The following NAALADL2 variants were observed in gnomAD, a reference collection of about 807,000 sequenced individuals.
NAALADL2 encodes N-acetylated alpha-linked acidic dipeptidase like 2, also known as inactive N-acetylated-alpha-linked acidic dipeptidase-like protein 2.
In NAALADL2, 76 loss-of-function variants were observed where a neutral mutation model predicts 87.2. That is an observed-to-expected ratio of 0.87 (90% CI 0.72 to 1.05). The LOEUF is 1.05. Among genes scored for constraint, NAALADL2 ranks in the 50% least tolerant of loss-of-function variants. The pLI is 0.00. For missense variants in NAALADL2, 1,089 were observed against 945.8 expected, an observed-to-expected ratio of 1.15 and a Z score of -1.99; for synonymous variants, 354 against 331.0, an observed-to-expected ratio of 1.07 and a Z score of -0.75.
rs375672663 is a variant in NAALADL2 at position 174,698,947 on chromosome 3, ATG to A, written c.-114-38679_-114-38678del. ...TGTATATATTTATATATATATATGA[ATG>A]TGTGTGTGTGTGTGCGTGTATATAT... On this transcript the variant is annotated intron_variant, in intron 2 of 3. Transcript: ENST00000434257. Among the ~76,000 whole-genome samples, 560 of 141,712 alleles carry A rather than the reference ATG, an allele frequency of 4.0e-3. 4 individuals are homozygous for A. Among genetic ancestry groups the A allele is most frequent in the African/African-American group, 0.015 (521 of 35,238 alleles). 93.0% of individuals were successfully genotyped at this position (141,712 alleles called of 152,430 possible).
intron 9 of NAALADL2, among the ~76,000 whole-genome samples, chr3:175,489,088 T>C (rs9873507): frequency 0.79 from 119,689 of 152,110 alleles, 47,147 homozygotes; most frequent in Middle Eastern, 0.82. Flanking sequence ...AGTGATTGCT[T>C]TTGTGGATAA....
intron 1 of NAALADL2, among the ~76,000 whole-genome samples, chr3:174,959,318 C>T (rs1741630326): frequency 6.6e-6 from 1 of 151,962 alleles, no homozygotes; most frequent in Non-Finnish European, 1.5e-5. Context: ...AGGAATTGTT[C>T]ATACCTTAAA....
At chr3:174,849,395 TTTG>T (rs778196206) in intron 3 of NAALADL2, among the ~76,000 whole-genome samples, 3 of 152,106 alleles carry the variant, frequency 2.0e-5, no homozygotes, top group Non-Finnish European at 4.4e-5. Flanking sequence ...TCTATATGCT[TTTG>T]TTCTATTTTT....
intron 5 of NAALADL2, among the ~76,000 whole-genome samples, chr3:175,408,571 A>C (rs1437919270): frequency 1.3e-5 from 2 of 152,026 alleles, no homozygotes; most frequent in African/African-American, 4.8e-5. Flanking sequence ...GCACCTGATA[A>C]AATTTCAAAA....
intron 1 of NAALADL2, chr3:174,864,189 A>G (rs1204338404): frequency 2.7e-6 from 1 of 370,094 alleles, no homozygotes; most frequent in Admixed American, 3.6e-5. Flanking sequence ...AGCAGGCAAA[A>G]GAGATTAGGA....
chr3:175,308,773 C>T (rs1397560321), intron 4 of NAALADL2, among the ~76,000 whole-genome samples: 1 of 152,144 alleles, frequency 6.6e-6, no homozygotes, highest in Non-Finnish European at 1.5e-5. Context: ...CAATTTCTAC[C>T]AGACAGGATT....
At chr3:174,891,038 G>T (rs1375385049) in intron 1 of NAALADL2, among the ~76,000 whole-genome samples, 7 of 152,054 alleles carry the variant, frequency 4.6e-5, no homozygotes, top group South Asian at 4.2e-4. Context: ...CTAGTAAATA[G>T]AAACTAGAAA....
At chr3:174,572,109 T>G (rs75380814) in intron 2 of NAALADL2, among the ~76,000 whole-genome samples, 3,000 of 152,264 alleles carry the variant, frequency 0.02, 107 homozygotes, top group African/African-American at 0.067. Context: ...CCTTTTCCTC[T>G]TTCTCTTCTT....
In NAALADL2 at chr3:175,667,254, AAAGAAAGAAAGG is replaced by A. The variant is rs1560943859; in HGVS notation, c.1896+39872_1896+39883del. On this transcript the variant is annotated intron_variant, in intron 11 of 13. Transcript: ENST00000454872. ...AAGAAAGAAAGAAAAAGAAAGAAAG[AAAGAAAGAAAGG>A]AAGGAAGGGATGGGGATCTGAAGGG... 9.0e-4 allele frequency among the ~76,000 whole-genome samples: 127 copies of A among 140,562 alleles called. 1 individual carries two copies. Among genetic ancestry groups the A allele is most frequent in the Middle Eastern group, 3.6e-3 (1 of 280 alleles). The allele number at this position is 140,562 out of a possible 152,430, so 92.2% of individuals were successfully genotyped here.
intron 6 of NAALADL2, among the ~76,000 whole-genome samples, chr3:175,461,882 A>C (rs1189707517): frequency 6.6e-6 from 1 of 152,128 alleles, no homozygotes; most frequent in African/African-American, 2.4e-5. Flanking sequence ...GACAATCTTG[A>C]AAAGGCAGAA....
At chr3:174,833,223 G>A (rs1021571692) in intron 3 of NAALADL2, among the ~76,000 whole-genome samples, 1 of 152,156 alleles carries the variant, frequency 6.6e-6, no homozygotes, top group African/African-American at 2.4e-5. Flanking sequence ...AATAAAAAAT[G>A]AGAAATGTCA....
intron 1 of NAALADL2, among the ~76,000 whole-genome samples, chr3:174,501,545 G>GTTATTTT: frequency 6.6e-6 from 1 of 152,118 alleles, no homozygotes; most frequent in Non-Finnish European, 1.5e-5. Context: ...TTTGTGGGAA[G>GTTATTTT]AGTTTTAACT....
chr3:175,273,324 C>T (rs1753127125), intron 4 of NAALADL2, among the ~76,000 whole-genome samples: 1 of 152,078 alleles, frequency 6.6e-6, no homozygotes, highest in Admixed American at 6.6e-5. Context: ...CTTCCTTATT[C>T]ACCAGATATT....
intron 2 of NAALADL2, among the ~76,000 whole-genome samples, chr3:175,191,060 G>T (rs181375588): frequency 9.9e-5 from 15 of 151,146 alleles, no homozygotes; most frequent in African/African-American, 3.2e-4. Context: ...TGTAACACAA[G>T]AACTATGGTT....
At chr3:174,882,678 T>C (rs181628006) in intron 1 of NAALADL2, among the ~76,000 whole-genome samples, 245 of 121,536 alleles carry the variant, frequency 2.0e-3, no homozygotes, top group South Asian at 5.4e-3. Flanking sequence ...CACATATGTG[T>C]ATATGTGTAT....
intron 1 of NAALADL2, among the ~76,000 whole-genome samples, chr3:174,962,433 G>GTCATAGTGACTATGTAATATATATA: frequency 1.9e-5 from 1 of 52,242 alleles, no homozygotes; most frequent in Non-Finnish European, 5.0e-5. Context: ...ATATATATAT[G>GTCATAGTGACTATGTAATATATATA]TATATTTTTA....
Position 175,808,419 on chromosome 3 carries a change from C to T in NAALADL2, c.*5216C>T, listed in dbSNP as rs1754889632. 6.6e-6 allele frequency: 1 copy of T among 151,778 alleles called. No individual in the cohort carries two copies. The highest frequency in any genetic ancestry group is 2.4e-5 in the African/African-American group (1 of 41,336). The allele number at this position is 151,778 out of a possible 1,614,324, so 9.4% of individuals were successfully genotyped here. A position where few individuals can be genotyped will look rare whatever the true frequency, so the allele number is the denominator to read the frequency against. ...GATGGATTTTTTAAATGCCAAAATC[C>T]AATCATCAAGGCCAAAGAAATGCAT... On this transcript the variant is annotated 3_prime_UTR_variant, in exon 14 of 14. Transcript: ENST00000454872.
upstream of NAALADL2, among the ~76,000 whole-genome samples, chr3:174,858,012 AT>A (rs1226464058): frequency 6.6e-6 from 1 of 151,444 alleles, no homozygotes; most frequent in African/African-American, 2.4e-5. Context: ...ATTTTTTCAA[AT>A]TAAAAAGCAA....
intron 4 of NAALADL2, among the ~76,000 whole-genome samples, chr3:175,267,920 A>T (rs1304837480): frequency 6.6e-6 from 1 of 152,198 alleles, no homozygotes; most frequent in African/African-American, 2.4e-5. Context: ...GTGTAATGAT[A>T]GTGTTGTCTT....
Sources: gnomAD v4.1 joint callset for allele counts (sites outside exome capture counted in the v4.1 genomes callset) on GRCh38, gnomAD v4.1.1 for gene constraint, MANE v1.5 for transcripts, NCBI Gene and HGNC (gene_info 2026-07-23, HGNC 2026-07-21) for gene names.